The following STX1A variants were observed in gnomAD, a reference collection of about 807,000 sequenced individuals.
STX1A encodes syntaxin 1A.
In STX1A, 4 loss-of-function variants were observed where a neutral mutation model predicts 37.8. The ratio of observed to expected loss-of-function variants is 0.11; its 90% confidence interval spans 0.05 to 0.24. STX1A has a LOEUF of 0.24. Among genes scored for constraint, STX1A ranks in the 10% least tolerant of loss-of-function variants. STX1A has a pLI of 1.00. For synonymous variants in STX1A, 135 were observed against 147.4 expected (o/e 0.92, Z 0.61); for missense variants, 251 against 399.9 (o/e 0.63, Z 3.18).
chr7:73,701,218 A>G, intron 8 of STX1A: 1 of 495,438 alleles, frequency 2.0e-6, no homozygotes, highest in Non-Finnish European at 3.6e-6. Context: ...TGAGGTGGCC[A>G]CAGGTGAGCC....
chr7:73,704,890 CAG>C (rs1361495854), intron 4 of STX1A: 2 of 575,896 alleles, frequency 3.5e-6, no homozygotes, highest in Non-Finnish European at 6.2e-6. Context: ...CCCTCTTTAG[CAG>C]AGGTGAGGGG....
At chr7:73,713,749 C>G (rs534066851) in intron 1 of STX1A, among the ~76,000 whole-genome samples, 1 of 152,296 alleles carries the variant, frequency 6.6e-6, no homozygotes, top group Admixed American at 6.5e-5. Context: ...AAAGTGGACA[C>G]ACAGATTTCT....
At position 73,717,855 on chromosome 7, in the gene STX1A, G is replaced by T. The variant is rs782559008; in HGVS notation, c.30+1747C>A. Among the ~76,000 whole-genome samples the T allele has an allele frequency of 1.3e-4, 20 of 152,288 alleles. No homozygotes were observed. The highest frequency in any genetic ancestry group is 3.4e-3 in the Middle Eastern group (1 of 294). Reference sequence around the variant, plus strand: ...CTGGCTGTCCCCCAGTGTCAGCCAGGCCTGAGTCTGACTATCTTCAGGGAT... The same window carrying T: ...CTGGCTGTCCCCCAGTGTCAGCCAGTCCTGAGTCTGACTATCTTCAGGGAT... On this transcript the variant is annotated intron_variant, in intron 1 of 9. Coordinates refer to ENST00000222812, the MANE Select transcript of STX1A (RefSeq NM_004603.4). This position sits in a 1 kb window ranked among gnomAD's most constrained non-coding sequence, Gnocchi z 4.1.
Position 73,704,203 on chromosome 7 carries a change from C to T in STX1A, c.411G>A (p.Thr137=), listed in dbSNP as rs781902346. 2.5e-6 allele frequency: 4 copies of T among 1,613,550 alleles called. No individual in the cohort carries two copies. Among genetic ancestry groups the T allele is most frequent in the South Asian group, 1.1e-5 (1 of 91,072 alleles). Reference sequence around the variant, plus strand: ...TGCAGCGCTCGCGGTAGTCGGACTGCGTGGCGTTGTACTCCGACATGACCT... The same window carrying T: ...TGCAGCGCTCGCGGTAGTCGGACTGTGTGGCGTTGTACTCCGACATGACCT... ...FVEVMSEYNA[T]QSDYRERCKG... is the part of the protein sequence containing the mutation. The change falls in exon 6 of 10, where the codon ACG becomes ACA. Residue 137 remains threonine (T), a synonymous_variant. Transcript: ENST00000222812.
At chr7:73,714,787 A>AC (rs539901892) in intron 1 of STX1A, among the ~76,000 whole-genome samples, 106 of 150,374 alleles carry the variant, frequency 7.0e-4, no homozygotes, top group Admixed American at 3.3e-3. Context: ...AAAAAAAAAA[A>AC]CAAAAACGGC....
chr7:73,703,008 AC>A, intron 7 of STX1A, 26 bp from the exon 8 acceptor site: 1 of 1,383,410 alleles, frequency 7.2e-7, no homozygotes. Context: ...GGGGGCTGGG[AC>A]CCAGAGGCTT....
Position 73,700,052 on chromosome 7 carries a change from T to G in STX1A, c.*355A>C. On this transcript the variant is annotated 3_prime_UTR_variant, in exon 10 of 10. Transcript: ENST00000222812. This position sits in a 1 kb window ranked among gnomAD's most constrained non-coding sequence, Gnocchi z 4.4. The stretch of plus-strand genomic sequence containing the variant: ...CAGGGCAGGTCAGCTGGAGGCGAGG[T>G]TAGGGTCCCCAGGGAAGAGCAGAAC... 1.1e-5 allele frequency: 4 copies of G among 354,252 alleles called. No individual in the cohort carries two copies. Among genetic ancestry groups the G allele is most frequent in the Non-Finnish European group, 1.1e-5 (2 of 187,262 alleles). 21.9% of individuals were successfully genotyped at this position (354,252 alleles called of 1,614,324 possible).
chr7:73,718,961 G>GCCCCC (rs577689799), intron 1 of STX1A, among the ~76,000 whole-genome samples: 15 of 145,640 alleles, frequency 1.0e-4, no homozygotes, highest in African/African-American at 3.5e-4. Flanking sequence ...CGGGTGTGAC[G>GCCCCC]CCCCCCCCCC....
Position 73,706,734 on chromosome 7 carries a change from C to T in STX1A, c.209-1510G>A, listed in dbSNP as rs1798888058. On this transcript the variant is annotated intron_variant, in intron 3 of 9. Transcript: ENST00000222812. This position sits in a 1 kb window ranked among gnomAD's most constrained non-coding sequence, Gnocchi z 4.6. ...GCTCTTTAGAGCCCTCCGTCCCCAC[C>T]CCACAATCAGCCACCTCCTGACCCT... 6.6e-6 allele frequency among the ~76,000 whole-genome samples: 1 copy of T among 152,144 alleles called. No homozygotes were observed. Among genetic ancestry groups the T allele is most frequent in the Non-Finnish European group, 1.5e-5 (1 of 68,022 alleles).
At position 73,709,448 on chromosome 7, in the gene STX1A, C is replaced by T. The variant is rs1799014603; in HGVS notation, c.31-326G>A. ...AGGCAAGCGAGCCTGGGGCCGGCCG[C>T]TCTGTCTGGGCCCTCTGGGTCCCCT... is the stretch of plus-strand genomic sequence containing the variant. On this transcript the variant is annotated intron_variant, in intron 1 of 9. Transcript: ENST00000222812. This position sits in a 1 kb window ranked among gnomAD's most constrained non-coding sequence, Gnocchi z 4.2. Among the ~76,000 whole-genome samples, 1 of 152,154 alleles carries T rather than the reference C, an allele frequency of 6.6e-6. No homozygotes were observed. The highest frequency in any genetic ancestry group is 6.5e-5 in the Admixed American group (1 of 15,284).
At chr7:73,703,174 C>T (rs1798729050) in intron 7 of STX1A, among the ~76,000 whole-genome samples, 192 bp from the exon 8 acceptor site, 1 of 152,222 alleles carries the variant, frequency 6.6e-6, no homozygotes, top group Admixed American at 6.5e-5. Flanking sequence ...TCTCTGCAAG[C>T]CAATCTCCTA....
intron 6 of STX1A, 120 bp from the exon 7 acceptor site, chr7:73,703,948 C>A (rs1798767005): frequency 4.1e-6 from 5 of 1,208,280 alleles, no homozygotes; most frequent in Non-Finnish European, 5.7e-6. Context: ...CAGCGGCAGC[C>A]TCAGGCCCCG....
intron 1 of STX1A, among the ~76,000 whole-genome samples, chr7:73,713,689 C>T (rs1057142446): frequency 6.6e-6 from 1 of 152,226 alleles, no homozygotes; most frequent in Non-Finnish European, 1.5e-5. Context: ...ATGATCGTGC[C>T]ATTGCACTCC....
rs1554615425 is a variant in STX1A, at chr7:73,699,297, A to G, written c.*1110T>C. On this transcript the variant is annotated 3_prime_UTR_variant, in exon 10 of 10. Transcript: ENST00000222812. ...ACCTTTGGTGAAGGGGTTGGGGGGA[A>G]TCGCTGTTCAAGAAGGCAACACGGA... 6.5e-6 allele frequency: 1 copy of G among 152,736 alleles called. No individual in the cohort carries two copies. The highest frequency in any genetic ancestry group is 2.4e-5 in the African/African-American group (1 of 41,466). The allele number at this position is 152,736 out of a possible 1,614,324, so 9.5% of individuals were successfully genotyped here. A position where few individuals can be genotyped will look rare whatever the true frequency, so the allele number is the denominator to read the frequency against.
At position 73,709,931 on chromosome 7, in the gene STX1A, T is replaced by C. The variant is rs1563575831; in HGVS notation, c.31-809A>G. ...ATTTTTGTAGAGACGGGGGTCTCACTGTGTTACCCAGGCTGGTCTTGAACT... is the reference window on the plus strand; with the variant it reads ...ATTTTTGTAGAGACGGGGGTCTCACCGTGTTACCCAGGCTGGTCTTGAACT... On this transcript the variant is annotated intron_variant, in intron 1 of 9. Transcript: ENST00000222812. This position sits in a 1 kb window ranked among gnomAD's most constrained non-coding sequence, Gnocchi z 4.2. 6.6e-6 allele frequency among the ~76,000 whole-genome samples: 1 copy of C among 152,006 alleles called. No individual in the cohort carries two copies. The highest frequency in any genetic ancestry group is 6.5e-5 in the Admixed American group (1 of 15,268).
rs1329654497 is a variant in STX1A, at chr7:73,706,640, G to C, written c.209-1416C>G. Among the ~76,000 whole-genome samples the C allele has an allele frequency of 6.6e-6, 1 of 152,108 alleles. No individual in the cohort carries two copies. The highest frequency in any genetic ancestry group is 2.4e-5 in the African/African-American group (1 of 41,396). On this transcript the variant is annotated intron_variant, in intron 3 of 9. Coordinates refer to ENST00000222812, the MANE Select transcript of STX1A (RefSeq NM_004603.4). The surrounding 1 kb of genome is among the most constrained non-coding windows in gnomAD (Gnocchi z 4.6). ...CAGGAGGTGGCCTGCAGGAGCCCAA[G>C]GTGTGGAGCAGACAGCTCTGCTGCC...
In STX1A at chr7:73,717,243, G is replaced by A. The variant is rs1447013800; in HGVS notation, c.30+2359C>T. On this transcript the variant is annotated intron_variant, in intron 1 of 9. Coordinates refer to ENST00000222812, the MANE Select transcript of STX1A (RefSeq NM_004603.4). This position sits in a 1 kb window ranked among gnomAD's most constrained non-coding sequence, Gnocchi z 4.1. ...GAGGGAGGGAGGGAGGGCTGGGAGC[G>A]GTGCACAGCCGCTGTCCCCAGCACC... 3.9e-5 allele frequency among the ~76,000 whole-genome samples: 6 copies of A among 152,092 alleles called. No individual in the cohort carries two copies. The highest frequency in any genetic ancestry group is 7.4e-5 in the Non-Finnish European group (5 of 67,994).
At position 73,704,432 on chromosome 7, in the gene STX1A, A is replaced by T. The variant is rs1188023202; in HGVS notation, c.284-9T>A. On this transcript the variant is annotated splice_polypyrimidine_tract_variant and intron_variant, in intron 4 of 9. Transcript: ENST00000222812. ...GATGGACTGCTCGATGCCTGGGGGC[A>T]CAGGTGGCTGCTAAGTCATAACCAG... The T allele has an allele frequency of 6.2e-7, 1 of 1,613,992 alleles. No individual in the cohort carries two copies. Among genetic ancestry groups the T allele is most frequent in the East Asian group, 2.2e-5 (1 of 44,890 alleles).
chr7:73,703,978 A>T (rs1798768764), intron 6 of STX1A, 150 bp from the exon 7 acceptor site: 7 of 577,156 alleles, frequency 1.2e-5, no homozygotes, highest in Admixed American at 1.1e-4. Context: ...CCCTTAACAC[A>T]GCAGCCGCCT....
Sources: allele counts gnomAD v4.1 joint callset (sites outside exome capture counted in the v4.1 genomes callset), GRCh38; gene constraint gnomAD v4.1.1; non-coding constraint Gnocchi (gnomAD v3.1); transcripts MANE v1.5; gene names NCBI Gene and HGNC (gene_info 2026-07-23, HGNC 2026-07-21).